Variants in PHF11 observed in about 807,000 individuals in gnomAD.
PHF11 encodes the protein PHD finger protein 11, also known as BRCA1 C-terminus-associated protein.
Under a neutral mutation model 40.5 loss-of-function variants are expected in PHF11, and 38 were observed. That is an observed-to-expected ratio of 0.94 (90% CI 0.72 to 1.23). The LOEUF is 1.23. Ranked by LOEUF, PHF11 falls within the 50% of genes most tolerant of loss-of-function variation. PHF11 has a pLI of 0.00. For synonymous variants in PHF11, 127 were observed against 138.2 expected (o/e 0.92, Z 0.57); for missense variants, 369 against 392.4 (o/e 0.94, Z 0.50).
chr13:49,497,393 C>G (rs549592149), intron 1 of PHF11, among the ~76,000 whole-genome samples: 1 of 152,334 alleles, frequency 6.6e-6, no homozygotes, highest in African/African-American at 2.4e-5. Flanking sequence ...CCATTCCATT[C>G]GCCCAGGTGC....
intron 2 of PHF11, among the ~76,000 whole-genome samples, chr13:49,512,130 G>T (rs4430650): frequency 0.44 from 66,335 of 152,002 alleles, 15,323 homozygotes; most frequent in Middle Eastern, 0.56. Flanking sequence ...ATATGCCTAA[G>T]GGTTAATGAT....
chr13:49,507,510 A>G (rs1252388437), intron 2 of PHF11, among the ~76,000 whole-genome samples: 1 of 152,194 alleles, frequency 6.6e-6, no homozygotes. Flanking sequence ...AGTCTAGGCT[A>G]TACAGCTAAG....
chr13:49,503,474 C>A (rs1222633866), intron 1 of PHF11, among the ~76,000 whole-genome samples: 2 of 152,214 alleles, frequency 1.3e-5, no homozygotes, highest in Non-Finnish European at 2.9e-5. Context: ...TATCTCACCA[C>A]ATTTCTTTAC....
chr13:49,515,873 T>A (rs571174327), intron 3 of PHF11, among the ~76,000 whole-genome samples: 244 of 152,314 alleles, frequency 1.6e-3, no homozygotes, highest in Non-Finnish European at 2.5e-3. Flanking sequence ...TACTCTGGCA[T>A]GTAAGTCCTA....
intron 7 of PHF11, 93 bp from the exon 8 acceptor site, chr13:49,523,992 C>T: frequency 1.0e-6 from 1 of 952,408 alleles, no homozygotes; most frequent in African/African-American, 1.7e-5. Flanking sequence ...TGTGCATCCA[C>T]CACTAGGCAA....
At chr13:49,528,404 C>A in intron 9 of PHF11, 107 bp from the exon 10 acceptor site, 1 of 758,786 alleles carries the variant, frequency 1.3e-6, no homozygotes, top group South Asian at 1.9e-5. Flanking sequence ...ACCAGAGGCA[C>A]GAGGATTGTG....
chr13:49,521,183 C>T (rs1204906540), intron 5 of PHF11: 18 of 1,149,574 alleles, frequency 1.6e-5, no homozygotes, highest in South Asian at 1.5e-4. Context: ...ATTCTCCCTA[C>T]GCTCACAGAA....
intron 9 of PHF11, 46 bp downstream of exon 9, chr13:49,526,504 TTTATCAC>T (rs753044932): frequency 9.5e-5 from 24 of 252,518 alleles, no homozygotes; most frequent in Admixed American, 3.7e-4. Flanking sequence ...TTGAGAAATA[TTTATCAC>T]GATATTGAAA....
At chr13:49,510,502 T>C (rs1959068645) in intron 2 of PHF11, among the ~76,000 whole-genome samples, 1 of 152,156 alleles carries the variant, frequency 6.6e-6, no homozygotes, top group Non-Finnish European at 1.5e-5. Flanking sequence ...TACTTATTTA[T>C]TTGAGACAAG....
chr13:49,525,876 C>G (rs1959247861), intron 8 of PHF11: 1 of 439,770 alleles, frequency 2.3e-6, no homozygotes. Flanking sequence ...GTACAAATAC[C>G]AAGAATTGGG....
chr13:49,509,462 C>T (rs9568231), intron 2 of PHF11, among the ~76,000 whole-genome samples: 11,732 of 152,236 alleles, frequency 0.077, 650 homozygotes, highest in East Asian at 0.16. Context: ...CCACCCACCT[C>T]AGCCTCCCAA....
intron 2 of PHF11, among the ~76,000 whole-genome samples, chr13:49,509,007 A>G (rs1205496644): frequency 6.6e-6 from 1 of 152,284 alleles, no homozygotes; most frequent in Non-Finnish European, 1.5e-5. Flanking sequence ...TTCTGCATCT[A>G]TTGAAATGAT....
chr13:49,518,479 A>G (rs1959172093), intron 4 of PHF11: 1 of 157,164 alleles, frequency 6.4e-6, no homozygotes, highest in Non-Finnish European at 1.4e-5. Flanking sequence ...TTTTCCTGCC[A>G]GTGGGCATAT....
chr13:49,522,581 A>G lies in PHF11; in HGVS notation c.570+474A>G, dbSNP rs559567130. On this transcript the variant is annotated intron_variant, in intron 6 of 9. Coordinates refer to ENST00000378319, the MANE Select transcript of PHF11 (RefSeq NM_001040443.3). ...AATTTCTGGATTATGTATAAAATGT[A>G]TGAAAATATTTTGGGGATTTGAGTT... 9.2e-5 allele frequency among the ~76,000 whole-genome samples: 14 copies of G among 152,170 alleles called. No homozygotes were observed. In the East Asian group the frequency reaches 2.7e-3, roughly 29 times the overall value.
intron 6 of PHF11, 80 bp from the exon 7 acceptor site, chr13:49,523,095 A>G: frequency 1.0e-6 from 1 of 953,564 alleles, no homozygotes; most frequent in Non-Finnish European, 1.7e-6. Context: ...CATATCATTT[A>G]GTTATGCACA....
intron 9 of PHF11, among the ~76,000 whole-genome samples, chr13:49,526,857 G>A (rs1028928702): frequency 6.6e-6 from 1 of 152,140 alleles, no homozygotes; most frequent in African/African-American, 2.4e-5. Flanking sequence ...TTTGGCCTGT[G>A]TGTGGCCCAG....
chr13:49,500,084 A>G (rs1215480553), intron 1 of PHF11, among the ~76,000 whole-genome samples: 1 of 152,198 alleles, frequency 6.6e-6, no homozygotes, highest in African/African-American at 2.4e-5. Flanking sequence ...TGTTGTTTGA[A>G]TTAGTCATAG....
chr13:49,524,521 C>G (rs951375475), intron 8 of PHF11, among the ~76,000 whole-genome samples: 8 of 150,664 alleles, frequency 5.3e-5, no homozygotes, highest in Non-Finnish European at 1.0e-4. Context: ...GTTGCCCAGG[C>G]TAGAGTGCAG....
At chr13:49,516,335 A>G (rs559544210) in intron 3 of PHF11, among the ~76,000 whole-genome samples, 81 of 152,148 alleles carry the variant, frequency 5.3e-4, no homozygotes, top group Middle Eastern at 3.4e-3. Flanking sequence ...TCCTAAAACC[A>G]TGCCTGCCAC....
Sources: allele counts gnomAD v4.1 joint callset (sites outside exome capture counted in the v4.1 genomes callset), GRCh38; gene constraint gnomAD v4.1.1; transcripts MANE v1.5; gene names NCBI Gene and HGNC (gene_info 2026-07-23, HGNC 2026-07-21).